LRP1B: variants seen among roughly 807,000 people sequenced by gnomAD.
The protein encoded by LRP1B is low-density lipoprotein receptor-related protein 1B.
LRP1B carries 217 observed loss-of-function variants against 556.6 expected under a neutral mutation model. The observed-to-expected ratio is 0.39, with a 90% confidence interval of 0.35 to 0.44. LRP1B has a LOEUF of 0.44. Among genes scored for constraint, LRP1B ranks in the 20% least tolerant of loss-of-function variants. The probability of loss-of-function intolerance (pLI) is 1.00; values close to 1 mark genes in which losing one functional copy is unlikely to be tolerated. For synonymous variants in LRP1B, 2,047 were observed against 1,865.8 expected (o/e 1.10, Z -2.50); for missense variants, 5,053 against 5,620.8 (o/e 0.90, Z 3.23).
At chr2:141,838,602 A>T (rs1697367691) in intron 1 of LRP1B, among the ~76,000 whole-genome samples, 1 of 152,130 alleles carries the variant, frequency 6.6e-6, no homozygotes, top group South Asian at 2.1e-4. Flanking sequence ...TATAGAGGAC[A>T]TTTTTCTGTA....
At chr2:140,951,736 G>T in intron 19 of LRP1B, 124 bp downstream of exon 19, 1 of 682,310 alleles carries the variant, frequency 1.5e-6, no homozygotes, top group Non-Finnish European at 2.6e-6. Flanking sequence ...CTCACCACTT[G>T]TTTTAGCCGT....
intron 3 of LRP1B, among the ~76,000 whole-genome samples, chr2:141,315,798 T>G (rs1346034029): frequency 6.6e-6 from 1 of 151,514 alleles, no homozygotes; most frequent in Non-Finnish European, 1.5e-5. Context: ...TGTTTTGTTT[T>G]AATTGCCTCT....
At position 141,428,784 on chromosome 2, in the gene LRP1B, A is replaced by G. The variant is rs113673153; in HGVS notation, c.343+51612T>C. ...ACAAGTATCTTGTATATTACATCTCAATTCCTTTGATTATTAGAAAGGTTC... is the reference window on the plus strand; with the variant it reads ...ACAAGTATCTTGTATATTACATCTCGATTCCTTTGATTATTAGAAAGGTTC... On this transcript the variant is annotated intron_variant, in intron 3 of 90. Coordinates refer to ENST00000389484, the MANE Select transcript of LRP1B (RefSeq NM_018557.3). 6.7e-4 allele frequency among the ~76,000 whole-genome samples: 102 copies of G among 152,192 alleles called. 1 individual carries two copies. Among genetic ancestry groups the G allele is most frequent in the African/African-American group, 2.1e-3 (86 of 41,538 alleles).
intron 2 of LRP1B, among the ~76,000 whole-genome samples, chr2:141,777,141 G>T (rs989911769): frequency 6.6e-6 from 1 of 152,188 alleles, no homozygotes; most frequent in African/African-American, 2.4e-5. Flanking sequence ...TATAAGACAT[G>T]ATTGCCATTT....
chr2:142,124,481 T>C (rs13421178), intron 1 of LRP1B, among the ~76,000 whole-genome samples: 54,390 of 150,952 alleles, frequency 0.36, 10,188 homozygotes, highest in South Asian at 0.52. Context: ...CCACTATATA[T>C]ATTCTTTATT....
At chr2:142,034,588 A>G (rs528861545) in intron 1 of LRP1B, among the ~76,000 whole-genome samples, 5 of 151,748 alleles carry the variant, frequency 3.3e-5, no homozygotes, top group Non-Finnish European at 7.4e-5. Flanking sequence ...AAAGTGTATT[A>G]TGTATCATTT....
chr2:140,238,030 A>G, intron 89 of LRP1B, 122 bp downstream of exon 89: 2 of 787,262 alleles, frequency 2.5e-6, no homozygotes, highest in Non-Finnish European at 3.9e-6. Flanking sequence ...CATTCAATAC[A>G]TCCTAAAGTC....
chr2:140,845,132 AC>A (rs1449031696), intron 29 of LRP1B, among the ~76,000 whole-genome samples: 1 of 152,190 alleles, frequency 6.6e-6, no homozygotes, highest in Non-Finnish European at 1.5e-5. Context: ...CAAAAAACAA[AC>A]AAACAAACAA....
chr2:141,759,241 T>C, intron 2 of LRP1B, among the ~76,000 whole-genome samples: 1 of 152,090 alleles, frequency 6.6e-6, no homozygotes, highest in East Asian at 1.9e-4. Flanking sequence ...AGAATAAAAT[T>C]ACAAAGAATA....
chr2:140,272,258 A>ACACACACAC (rs1682494421), intron 85 of LRP1B, among the ~76,000 whole-genome samples: 1 of 149,320 alleles, frequency 6.7e-6, no homozygotes, highest in Non-Finnish European at 1.5e-5. Flanking sequence ...TGCACACACA[A>ACACACACAC]ACACACACAC....
chr2:140,363,812 A>G (rs1682628060), intron 72 of LRP1B, among the ~76,000 whole-genome samples: 1 of 151,656 alleles, frequency 6.6e-6, no homozygotes, highest in Admixed American at 6.6e-5. Flanking sequence ...AACTTGATGC[A>G]ACAAACAGAA....
intron 2 of LRP1B, among the ~76,000 whole-genome samples, chr2:141,667,966 A>T: frequency 6.6e-6 from 1 of 152,326 alleles, no homozygotes; most frequent in Non-Finnish European, 1.5e-5. Context: ...CTTTTACATA[A>T]TAATACATAA....
intron 1 of LRP1B, among the ~76,000 whole-genome samples, chr2:141,928,299 TTTTA>T (rs1439792751): frequency 9.9e-5 from 15 of 152,180 alleles, no homozygotes; most frequent in African/African-American, 1.4e-4. Flanking sequence ...ATAGAGAGGT[TTTTA>T]TTTATTAATT....
At chr2:141,414,153 C>T (rs369939387) in intron 3 of LRP1B, among the ~76,000 whole-genome samples, 1 of 148,924 alleles carries the variant, frequency 6.7e-6, no homozygotes, top group South Asian at 2.2e-4. Flanking sequence ...AGGAGAATGG[C>T]GTGAACCCGG....
At chr2:140,705,129 T>A (rs1403769171) in intron 37 of LRP1B, among the ~76,000 whole-genome samples, 1 of 152,094 alleles carries the variant, frequency 6.6e-6, no homozygotes, top group Non-Finnish European at 1.5e-5. Flanking sequence ...ATACACTGTC[T>A]CACCAAATAG....
At chr2:141,894,373 C>T (rs1454685467) in intron 1 of LRP1B, among the ~76,000 whole-genome samples, 1 of 152,026 alleles carries the variant, frequency 6.6e-6, no homozygotes, top group African/African-American at 2.4e-5. Context: ...TGCCCTACCC[C>T]CTCCCTCCTT....
intron 56 of LRP1B, among the ~76,000 whole-genome samples, chr2:140,495,078 A>C (rs1688859335): frequency 6.6e-6 from 1 of 152,182 alleles, no homozygotes; most frequent in Middle Eastern, 3.2e-3. Flanking sequence ...AAGAAGTTTA[A>C]CAATATTTGC....
chr2:141,179,757 C>A, intron 7 of LRP1B, among the ~76,000 whole-genome samples: 1 of 151,826 alleles, frequency 6.6e-6, no homozygotes, highest in East Asian at 1.9e-4. Flanking sequence ...TAAAGTCAGG[C>A]CAAATTCTTG....
At position 140,501,726 on chromosome 2, in the gene LRP1B, T is replaced by C; in HGVS notation, c.8811A>G (p.Gly2937=). 1 of 1,612,706 alleles carries C rather than the reference T, an allele frequency of 6.2e-7. No individual in the cohort carries two copies. Among genetic ancestry groups the C allele is most frequent in the Non-Finnish European group, 8.5e-7 (1 of 1,179,124 alleles). The part of the protein sequence containing the change: ...INECLSKKVS[G]CSQDCQDLPV... ...GAAGGTCTTGACAGTCTTGAGAACATCCACTGACTTTCTTACTCAAACATT... is the reference window on the plus strand; with the variant it reads ...GAAGGTCTTGACAGTCTTGAGAACACCCACTGACTTTCTTACTCAAACATT... Residue 2937 remains glycine, a synonymous_variant, in exon 55 of 91, where the codon GGA becomes GGG. Coordinates refer to ENST00000389484, the MANE Select transcript of LRP1B (RefSeq NM_018557.3).
Sources: allele counts gnomAD v4.1 joint callset (sites outside exome capture counted in the v4.1 genomes callset), GRCh38; gene constraint gnomAD v4.1.1; transcripts MANE v1.5; gene names NCBI Gene and HGNC (gene_info 2026-07-23, HGNC 2026-07-21).